GAL3ST1: variants seen among roughly 807,000 people sequenced by gnomAD.
GAL3ST1 encodes the protein galactosylceramide sulfotransferase.
Under a neutral mutation model 25.0 loss-of-function variants are expected in GAL3ST1, and 13 were observed. That is an observed-to-expected ratio of 0.52 (90% CI 0.34 to 0.83). The LOEUF (loss-of-function observed/expected upper bound fraction) is 0.83, where lower values mean the gene tolerates loss of function less well. GAL3ST1 is among the 40% of genes least tolerant of loss of function. GAL3ST1 has a pLI of 0.02. For missense variants in GAL3ST1, 474 were observed against 613.6 expected (o/e 0.77, Z 2.40); for synonymous variants, 274 against 277.8 (o/e 0.99, Z 0.14).
intron 1 of GAL3ST1, among the ~76,000 whole-genome samples, chr22:30,572,034 T>C (rs949687976): frequency 6.6e-6 from 1 of 152,196 alleles, no homozygotes; most frequent in Non-Finnish European, 1.5e-5. Context: ...TACACTGCCT[T>C]GTCTGGGTAA....
intron 1 of GAL3ST1, chr22:30,564,856 C>T (rs1209674905): frequency 6.6e-6 from 1 of 152,308 alleles, no homozygotes; most frequent in Non-Finnish European, 1.5e-5. Flanking sequence ...CCTTTCTACC[C>T]ACTGCCTGAG....
intron 1 of GAL3ST1, among the ~76,000 whole-genome samples, chr22:30,559,774 G>A (rs1041097274): frequency 6.6e-6 from 1 of 152,186 alleles, no homozygotes; most frequent in African/African-American, 2.4e-5. Context: ...TTCAGGCTGA[G>A]GAACTGGAGT....
At chr22:30,567,753 G>C (rs964874403) in intron 1 of GAL3ST1, among the ~76,000 whole-genome samples, 1 of 151,898 alleles carries the variant, frequency 6.6e-6, no homozygotes, top group African/African-American at 2.4e-5. Context: ...GGGCAATCTC[G>C]GCCCACTGCA....
chr22:30,561,436 C>A (rs2086404136), intron 1 of GAL3ST1, among the ~76,000 whole-genome samples: 1 of 152,160 alleles, frequency 6.6e-6, no homozygotes, highest in African/African-American at 2.4e-5. Context: ...TACCACTCCA[C>A]CCCCCACCCT....
intron 1 of GAL3ST1, 150 bp downstream of exon 1, chr22:30,574,316 C>G (rs1375059338): frequency 6.6e-6 from 1 of 152,322 alleles, no homozygotes; most frequent in Non-Finnish European, 1.5e-5. Context: ...GCAGGGGTAC[C>G]CAGCGCTTAG....
In GAL3ST1 at chr22:30,561,991, C is replaced by T. The variant is rs569021252; in HGVS notation, c.-119-3603G>A. On this transcript the variant is annotated intron_variant, in intron 1 of 3. Transcript: ENST00000406361. ...GCAGAGCCCCTGGGCAGACTGAGGTCGGGAGAGGAGCTAGCTGGCAGCCAG... is the reference window on the plus strand; with the variant it reads ...GCAGAGCCCCTGGGCAGACTGAGGTTGGGAGAGGAGCTAGCTGGCAGCCAG... Among the ~76,000 whole-genome samples the T allele has an allele frequency of 6.6e-5, 10 of 152,228 alleles. No individual in the cohort carries two copies. In the South Asian group the frequency reaches 1.9e-3, roughly 28 times the overall value.
At chr22:30,570,786 CAAA>C (rs11330493) in intron 1 of GAL3ST1, among the ~76,000 whole-genome samples, 2 of 144,148 alleles carry the variant, frequency 1.4e-5, no homozygotes, top group Non-Finnish European at 1.5e-5. Context: ...AACTCCGTCT[CAAA>C]AAAAAAAAAA....
chr22:30,559,546 A>G (rs1054256205), intron 1 of GAL3ST1, among the ~76,000 whole-genome samples: 12 of 151,890 alleles, frequency 7.9e-5, no homozygotes, highest in African/African-American at 2.7e-4. Context: ...GCCCATTTTT[A>G]TACATTTTTA....
chr22:30,561,994 G>A (rs1274636677), intron 1 of GAL3ST1, among the ~76,000 whole-genome samples: 1 of 152,224 alleles, frequency 6.6e-6, no homozygotes, highest in African/African-American at 2.4e-5. Flanking sequence ...CTGAGGTCGG[G>A]AGAGGAGCTA....
Position 30,555,100 on chromosome 22 carries a change from G to C in GAL3ST1, c.1125C>G (p.Gly375=). 6.2e-7 allele frequency: 1 copy of C among 1,612,466 alleles called. No individual in the cohort carries two copies. Among genetic ancestry groups the C allele is most frequent in the Non-Finnish European group, 8.5e-7 (1 of 1,179,752 alleles). ...WQPLGTKSIL[G]YNLKKSIGQR... is the part of the protein sequence containing the mutation. ...GCCCGATGCTCTTCTTGAGGTTGTA[G>C]CCCAGGATGGACTTGGTGCCCAGCG... Residue 375 remains glycine, a synonymous_variant, in exon 4 of 4, where the codon GGC becomes GGG. Coordinates refer to ENST00000406361, the MANE Select transcript of GAL3ST1 (RefSeq NM_001318104.2). The surrounding 1 kb of genome is among the most constrained non-coding windows in gnomAD (Gnocchi z 8.6).
In GAL3ST1 at chr22:30,557,261, C is replaced by T. The variant is rs753853924; in HGVS notation, c.131+1G>A. 2.5e-6 allele frequency: 4 copies of T among 1,614,016 alleles called. No homozygotes were observed. The highest frequency in any genetic ancestry group is 1.7e-5 in the Admixed American group (1 of 60,014). On this transcript the variant is annotated splice_donor_variant, in intron 3 of 3. Coordinates refer to ENST00000406361, the MANE Select transcript of GAL3ST1 (RefSeq NM_001318104.2). LOFTEE classifies it high-confidence loss of function. Reference sequence around the variant, plus strand: ...ATCATCTGCCCAGCTGGGCCACTCACGTGGAGGCCAGGCCGGCATGCAGCG... The same window carrying T: ...ATCATCTGCCCAGCTGGGCCACTCATGTGGAGGCCAGGCCGGCATGCAGCG...
chr22:30,555,064 C>A lies in GAL3ST1; in HGVS notation c.1161G>T (p.Ala387=), dbSNP rs774126475. 11 of 1,612,710 alleles carry A rather than the reference C, an allele frequency of 6.8e-6. No individual in the cohort carries two copies. In the South Asian group the frequency reaches 1.2e-4, roughly 18 times the overall value. ...NLKKSIGQRH[A]QLCRRMLTPE... The stretch of plus-strand genomic sequence containing the variant: ...GCGTGAGCATGCGCCGGCAGAGCTG[C>A]GCGTGCCGCTGCCCGATGCTCTTCT... Residue 387 remains alanine, a synonymous_variant, in exon 4 of 4, where the codon GCG becomes GCT. Transcript: ENST00000406361. This position sits in a 1 kb window ranked among gnomAD's most constrained non-coding sequence, Gnocchi z 8.6.
chr22:30,566,759 T>A (rs1337425630), intron 1 of GAL3ST1, among the ~76,000 whole-genome samples: 2 of 150,394 alleles, frequency 1.3e-5, no homozygotes, highest in Non-Finnish European at 3.0e-5. Context: ...ACAGGCACCC[T>A]CCACCATGCT....
chr22:30,573,148 C>T (rs964333073), intron 1 of GAL3ST1, among the ~76,000 whole-genome samples: 3 of 152,266 alleles, frequency 2.0e-5, no homozygotes, highest in South Asian at 2.1e-4. Flanking sequence ...GCAGCCTGCT[C>T]ACCCGCTGAA....
chr22:30,557,251 G>C lies in GAL3ST1; in HGVS notation c.131+11C>G. On this transcript the variant is annotated intron_variant, in intron 3 of 3. Transcript: ENST00000406361. ...ACCTACACCCATCATCTGCCCAGCT[G>C]GGCCACTCACGTGGAGGCCAGGCCG... The C allele has an allele frequency of 3.7e-6, 6 of 1,613,634 alleles. No homozygotes were observed. Among genetic ancestry groups the C allele is most frequent in the Non-Finnish European group, 5.1e-6 (6 of 1,179,658 alleles).
intron 1 of GAL3ST1, chr22:30,564,715 C>T (rs2086570888): frequency 6.6e-6 from 1 of 152,302 alleles, no homozygotes; most frequent in East Asian, 1.9e-4. Flanking sequence ...CAAAGGGAAA[C>T]TCAGCCCAGG....
At chr22:30,566,846 T>C (rs1020149080) in intron 1 of GAL3ST1, among the ~76,000 whole-genome samples, 4 of 152,200 alleles carry the variant, frequency 2.6e-5, no homozygotes, top group Admixed American at 2.0e-4. Context: ...CCTGACCTCA[T>C]GATCTGCCCA....
rs773993854 is a variant in GAL3ST1, at chr22:30,557,374, T to G, written c.19A>C (p.Lys7Gln). The G allele has an allele frequency of 1.7e-5, 28 of 1,614,046 alleles. No homozygotes were observed. Among genetic ancestry groups the G allele is most frequent in the East Asian group, 4.5e-5 (2 of 44,900 alleles). Residue 7 changes from lysine (K) to glutamine (Q), a missense_variant, in exon 3 of 4, where the codon AAG (lysine) becomes CAG (glutamine). Coordinates refer to ENST00000406361, the MANE Select transcript of GAL3ST1 (RefSeq NM_001318104.2). ...CCCTTAGCCATGGACTCCCAGGGCT[T>G]CTTCTGCGGTGGCAGCATCTCAGAC... MLPPQK[K>Q]PWESMAKGLV...
chr22:30,564,307 G>A (rs2086552384), intron 1 of GAL3ST1, among the ~76,000 whole-genome samples: 1 of 151,860 alleles, frequency 6.6e-6, no homozygotes, highest in Admixed American at 6.6e-5. Flanking sequence ...GGCCCACGAT[G>A]GAGGCTTGCA....
Sources: allele counts gnomAD v4.1 joint callset (sites outside exome capture counted in the v4.1 genomes callset), GRCh38; gene constraint gnomAD v4.1.1; non-coding constraint Gnocchi (gnomAD v3.1); transcripts MANE v1.5; gene names NCBI Gene and HGNC (gene_info 2026-07-23, HGNC 2026-07-21).